LRRC4C: variants seen among roughly 807,000 people sequenced by gnomAD.
The protein encoded by LRRC4C is leucine-rich repeat-containing protein 4C.
Under a neutral mutation model 33.6 loss-of-function variants are expected in LRRC4C, and 5 were observed. The ratio of observed to expected loss-of-function variants is 0.15; its 90% CI spans 0.08 to 0.31. The LOEUF (loss-of-function observed/expected upper bound fraction) is 0.31. Ranked by LOEUF, LRRC4C falls within the 10% of genes least tolerant of loss-of-function variation. LRRC4C has a pLI of 1.00. For synonymous variants in LRRC4C, 329 were observed against 302.0 expected, an observed-to-expected ratio of 1.09 and a Z score of -0.93; for missense variants, 560 against 796.7, an observed-to-expected ratio of 0.70 and a Z score of 3.58.
At chr11:40,502,335 C>T (rs528552289) in intron 3 of LRRC4C, among the ~76,000 whole-genome samples, 1 of 152,112 alleles carries the variant, frequency 6.6e-6, no homozygotes, top group African/African-American at 2.4e-5. Context: ...TCAGCAGTGC[C>T]CCCACTCTAT....
chr11:40,269,369 T>C (rs79963970), intron 4 of LRRC4C, among the ~76,000 whole-genome samples: 13 of 152,080 alleles, frequency 8.5e-5, no homozygotes, highest in East Asian at 1.9e-4. Flanking sequence ...TTTAATGATA[T>C]CAGAATGAAG....
At chr11:41,121,169 T>A (rs1237446591) in intron 1 of LRRC4C, among the ~76,000 whole-genome samples, 1 of 152,340 alleles carries the variant, frequency 6.6e-6, no homozygotes, top group African/African-American at 2.4e-5. Flanking sequence ...AGATCCTTTT[T>A]ATTCAAACTT....
intron 3 of LRRC4C, among the ~76,000 whole-genome samples, chr11:40,542,619 G>T (rs997632789): frequency 6.6e-6 from 1 of 150,384 alleles, no homozygotes; most frequent in Non-Finnish European, 1.5e-5. Context: ...CAAGCCCTGC[G>T]TTCACAGGGG....
At chr11:40,649,784 T>C in intron 2 of LRRC4C, among the ~76,000 whole-genome samples, 1 of 152,300 alleles carries the variant, frequency 6.6e-6, no homozygotes, top group South Asian at 2.1e-4. Context: ...AAAGTATTAT[T>C]TGGGAACTGA....
chr11:40,604,091 A>G (rs1422885404), intron 3 of LRRC4C, among the ~76,000 whole-genome samples: 1 of 152,190 alleles, frequency 6.6e-6, no homozygotes, highest in African/African-American at 2.4e-5. Flanking sequence ...AGAAAGAGAA[A>G]GAAATATGCA....
chr11:40,901,543 T>A (rs1028236562), intron 2 of LRRC4C, among the ~76,000 whole-genome samples: 1 of 152,128 alleles, frequency 6.6e-6, no homozygotes, highest in African/African-American at 2.4e-5. Flanking sequence ...AGAGTTGCAG[T>A]GTACCTCTAC....
At chr11:40,323,154 C>A (rs553295743) in intron 3 of LRRC4C, among the ~76,000 whole-genome samples, 90 of 152,234 alleles carry the variant, frequency 5.9e-4, no homozygotes, top group Non-Finnish European at 1.0e-3. Context: ...GGCAGAAGTT[C>A]TCATAGCTTC....
chr11:41,140,485 A>G (rs1469077213), intron 1 of LRRC4C, among the ~76,000 whole-genome samples: 27 of 134,632 alleles, frequency 2.0e-4, no homozygotes, highest in African/African-American at 7.2e-4. Context: ...CTCCTTCCCC[A>G]AGGTCCCTGA....
chr11:40,480,853 T>G (rs1953519030), intron 3 of LRRC4C, among the ~76,000 whole-genome samples: 1 of 152,006 alleles, frequency 6.6e-6, no homozygotes, highest in African/African-American at 2.4e-5. Context: ...TACTACATGT[T>G]TTTAGTTAGA....
At chr11:40,477,273 A>G (rs1953285163) in intron 3 of LRRC4C, among the ~76,000 whole-genome samples, 1 of 152,130 alleles carries the variant, frequency 6.6e-6, no homozygotes, top group Admixed American at 6.6e-5. Context: ...TTTTAGCTCA[A>G]AAATGGTGCT....
At chr11:41,089,271 A>T (rs1355480628) in intron 1 of LRRC4C, among the ~76,000 whole-genome samples, 1 of 151,968 alleles carries the variant, frequency 6.6e-6, no homozygotes, top group South Asian at 2.1e-4. Context: ...ATTTGAAAAC[A>T]AGTAATTCTT....
At chr11:40,167,931 C>G (rs971901596) in intron 5 of LRRC4C, among the ~76,000 whole-genome samples, 2 of 152,118 alleles carry the variant, frequency 1.3e-5, no homozygotes, top group Non-Finnish European at 2.9e-5. Flanking sequence ...GTAATCCCAG[C>G]TACCGGGGAG....
At chr11:40,118,395 T>C (rs1855591229) in intron 6 of LRRC4C, among the ~76,000 whole-genome samples, 1 of 152,038 alleles carries the variant, frequency 6.6e-6, no homozygotes, top group East Asian at 1.9e-4. Flanking sequence ...GGATGAGGAA[T>C]AGAATCCTTA....
At chr11:40,480,020 A>G (rs2138392061) in intron 3 of LRRC4C, among the ~76,000 whole-genome samples, 1 of 152,274 alleles carries the variant, frequency 6.6e-6, no homozygotes, top group South Asian at 2.1e-4. Context: ...CCTTGAAGAG[A>G]GTTAATCCTA....
intron 3 of LRRC4C, among the ~76,000 whole-genome samples, chr11:40,419,551 G>A (rs1950448835): frequency 6.6e-6 from 1 of 152,008 alleles, no homozygotes; most frequent in Non-Finnish European, 1.5e-5. Context: ...TTTATATTGA[G>A]CAAAAATATC....
intron 4 of LRRC4C, among the ~76,000 whole-genome samples, chr11:40,304,870 C>T (rs1228816497): frequency 6.6e-6 from 1 of 151,972 alleles, no homozygotes; most frequent in Non-Finnish European, 1.5e-5. Context: ...AGATCCTGAG[C>T]ACTCCTGCCT....
intron 2 of LRRC4C, among the ~76,000 whole-genome samples, chr11:40,712,336 G>A (rs1946506755): frequency 6.6e-6 from 1 of 151,956 alleles, no homozygotes; most frequent in African/African-American, 2.4e-5. Flanking sequence ...TCACTTAGTG[G>A]ATTTCCCCCA....
chr11:41,441,031 C>T (rs921855301), intron 1 of LRRC4C, among the ~76,000 whole-genome samples: 2 of 152,104 alleles, frequency 1.3e-5, no homozygotes, highest in African/African-American at 4.8e-5. Flanking sequence ...CCAGTCTTCT[C>T]AAGGGTAGAG....
At chr11:40,193,198 GGA>G (rs1003252903) in intron 5 of LRRC4C, among the ~76,000 whole-genome samples, 32 of 152,250 alleles carry the variant, frequency 2.1e-4, no homozygotes, top group African/African-American at 6.7e-4. Context: ...ACCTCATACA[GGA>G]GAGCTCTGGC....
Sources: allele counts gnomAD v4.1 joint callset (sites outside exome capture counted in the v4.1 genomes callset), GRCh38; gene constraint gnomAD v4.1.1; transcripts MANE v1.5; gene names NCBI Gene and HGNC (gene_info 2026-07-23, HGNC 2026-07-21).